Variants in SCML4 observed in about 807,000 individuals in gnomAD.
SCML4 encodes the protein Scm polycomb group protein like 4.
Under a neutral mutation model 41.1 loss-of-function variants are expected in SCML4, and 34 were observed. The observed-to-expected ratio is 0.83, with a 90% CI of 0.63 to 1.10. The LOEUF (loss-of-function observed/expected upper bound fraction) is 1.10, where lower values mean the gene tolerates loss of function less well. Among genes scored for constraint, SCML4 ranks in the 50% least tolerant of loss-of-function variants. The pLI is 0.00. For synonymous variants in SCML4, 214 were observed against 220.9 expected, an observed-to-expected ratio of 0.97 and a Z score of 0.28; for missense variants, 522 against 534.1, an observed-to-expected ratio of 0.98 and a Z score of 0.22.
chr6:107,813,393 T>C (rs1207308532), intron 1 of SCML4, among the ~76,000 whole-genome samples: 4 of 44,160 alleles, frequency 9.1e-5, no homozygotes, highest in African/African-American at 3.5e-4. Flanking sequence ...TATATATATA[T>C]ATATATATAT....
At chr6:107,771,092 T>C (rs1780480584) in intron 2 of SCML4, among the ~76,000 whole-genome samples, 1 of 152,188 alleles carries the variant, frequency 6.6e-6, no homozygotes, top group African/African-American at 2.4e-5. Flanking sequence ...AGTAAAAGCT[T>C]CTTTTACTAA....
intron 2 of SCML4, among the ~76,000 whole-genome samples, chr6:107,767,098 C>A (rs571686371): frequency 6.6e-6 from 1 of 152,130 alleles, no homozygotes; most frequent in East Asian, 1.9e-4. Flanking sequence ...GCTGGGATTA[C>A]TGACACGCGC....
At chr6:107,817,520 T>C (rs1056382534) in intron 1 of SCML4, among the ~76,000 whole-genome samples, 6 of 148,768 alleles carry the variant, frequency 4.0e-5, no homozygotes, top group Admixed American at 6.9e-5. Flanking sequence ...GGGAATCTAC[T>C]TGAGGCAGGA....
At chr6:107,723,008 C>T (rs544260078) in intron 5 of SCML4, among the ~76,000 whole-genome samples, 3 of 151,402 alleles carry the variant, frequency 2.0e-5, no homozygotes, top group Non-Finnish European at 3.0e-5. Flanking sequence ...AAAGAACCAA[C>T]AAAATTGCAA....
chr6:107,815,684 G>A (rs923279171), intron 1 of SCML4, among the ~76,000 whole-genome samples: 21 of 152,156 alleles, frequency 1.4e-4, no homozygotes, highest in African/African-American at 4.3e-4. Context: ...GGGTGCCTGC[G>A]TTGGAAGTAA....
chr6:107,821,633 A>T (rs557388266), intron 1 of SCML4, among the ~76,000 whole-genome samples: 14 of 152,144 alleles, frequency 9.2e-5, no homozygotes, highest in Non-Finnish European at 1.9e-4. Flanking sequence ...GACACTGGAG[A>T]TGCTTGGTAT....
chr6:107,720,665 G>T, intron 6 of SCML4, 38 bp downstream of exon 6: 1 of 1,505,084 alleles, frequency 6.6e-7, no homozygotes, highest in Non-Finnish European at 8.9e-7. Flanking sequence ...GGCAAGGGAT[G>T]TTAAGTCAGT....
At chr6:107,734,494 A>G (rs964581593) in intron 5 of SCML4, among the ~76,000 whole-genome samples, 1 of 152,222 alleles carries the variant, frequency 6.6e-6, no homozygotes, top group Non-Finnish European at 1.5e-5. Context: ...TGAGCCTTAC[A>G]ATGCAAAGGG....
At chr6:107,714,545 G>A (rs1323245202) in intron 6 of SCML4, among the ~76,000 whole-genome samples, 2 of 152,134 alleles carry the variant, frequency 1.3e-5, no homozygotes, top group Non-Finnish European at 2.9e-5. Context: ...GTTGACATTT[G>A]TCTCCCTGGA....
chr6:107,757,016 C>T (rs1779169628), intron 2 of SCML4, among the ~76,000 whole-genome samples: 2 of 152,206 alleles, frequency 1.3e-5, no homozygotes, highest in South Asian at 2.1e-4. Context: ...GTGGCGACCC[C>T]TCATCCAAGG....
In SCML4 at chr6:107,749,728, T is replaced by G. The variant is rs769748312; in HGVS notation, c.242A>C (p.Asp81Ala). 2 of 1,614,002 alleles carry G rather than the reference T, an allele frequency of 1.2e-6. No individual in the cohort carries two copies. Among genetic ancestry groups the G allele is most frequent in the African/African-American group, 2.7e-5 (2 of 74,994 alleles). The change falls in exon 3 of 8, where the codon GAC becomes GCC. Residue 81 changes from aspartate (D) to alanine (A), a missense_variant. By Grantham distance (126) the Asp-to-Ala change is moderately radical (BLOSUM62 -2). Transcript: ENST00000369020. The stretch of plus-strand genomic sequence containing the variant: ...CGCCAAGCTGGGGACCGTGGCTGCG[T>G]CCTGAGGGATGGAGCTGAGGTCGGG... ...PEPDLSSIPQ[D>A]AATVPSLAAP... is the part of the protein sequence containing the mutation.
At chr6:107,796,656 A>G (rs531640131) in intron 1 of SCML4, among the ~76,000 whole-genome samples, 16 of 152,290 alleles carry the variant, frequency 1.1e-4, no homozygotes, top group Admixed American at 3.9e-4. Flanking sequence ...GAAGTTCAAG[A>G]TAGCAACCTT....
chr6:107,838,835 T>C, the SCML4 span, among the ~76,000 whole-genome samples: 3 of 152,228 alleles, frequency 2.0e-5, no homozygotes, highest in East Asian at 3.9e-4. Context: ...TCACTAAAGA[T>C]TGATTTCACT....
chr6:107,837,905 CTTTTTT>C, the SCML4 span, among the ~76,000 whole-genome samples: 2 of 115,318 alleles, frequency 1.7e-5, no homozygotes, highest in Admixed American at 9.6e-5. Flanking sequence ...TTATGATTTT[CTTTTTT>C]TTTTTTTTTT....
chr6:107,816,993 T>C (rs1784587998), intron 1 of SCML4, among the ~76,000 whole-genome samples: 1 of 152,178 alleles, frequency 6.6e-6, no homozygotes, highest in Non-Finnish European at 1.5e-5. Context: ...ACAGGAAATC[T>C]CTGCCAAAGC....
chr6:107,796,035 C>T (rs1782685105), intron 1 of SCML4, among the ~76,000 whole-genome samples: 1 of 152,044 alleles, frequency 6.6e-6, no homozygotes, highest in African/African-American at 2.4e-5. Context: ...AATAGTAGAC[C>T]ATTTTATGTG....
chr6:107,783,807 C>A (rs1302390380), intron 1 of SCML4, among the ~76,000 whole-genome samples: 1 of 152,214 alleles, frequency 6.6e-6, no homozygotes, highest in Non-Finnish European at 1.5e-5. Context: ...TGAAGCCCAT[C>A]TTTGGTGAAA....
chr6:107,777,206 T>C (rs9398142), intron 1 of SCML4, among the ~76,000 whole-genome samples: 141,997 of 152,300 alleles, frequency 0.93, 66,920 homozygotes, highest in Non-Finnish European at 1. Context: ...CAACCTCCGC[T>C]TCCCGGGTTC....
intron 7 of SCML4, among the ~76,000 whole-genome samples, chr6:107,707,386 C>T (rs36039532): frequency 0.021 from 3,217 of 152,134 alleles, 67 homozygotes; most frequent in Non-Finnish European, 0.03. Flanking sequence ...AAAAAAATTA[C>T]CATCTCTATA....
Sources: gnomAD v4.1 joint callset for allele counts (sites outside exome capture counted in the v4.1 genomes callset) on GRCh38, gnomAD v4.1.1 for gene constraint, MANE v1.5 for transcripts, NCBI Gene and HGNC (gene_info 2026-07-23, HGNC 2026-07-21) for gene names.